SLC26A8: variants seen among roughly 807,000 people sequenced by gnomAD.
SLC26A8 encodes the protein testis anion transporter 1.
A neutral mutation model predicts 105.0 loss-of-function variants in SLC26A8; 70 were observed. The ratio of observed to expected loss-of-function variants is 0.67; its 90% CI spans 0.55 to 0.81. The LOEUF (loss-of-function observed/expected upper bound fraction) is 0.81. Ranked by LOEUF, SLC26A8 falls within the 40% of genes least tolerant of loss-of-function variation. The pLI is 0.00. For missense variants in SLC26A8, 998 were observed against 1,181.8 expected, an observed-to-expected ratio of 0.84 and a Z score of 2.28; for synonymous variants, 415 against 438.3, an observed-to-expected ratio of 0.95 and a Z score of 0.66.
chr6:36,017,628 G>C lies in SLC26A8; in HGVS notation c.188+1892C>G, dbSNP rs532687274. 6.3e-5 allele frequency among the ~76,000 whole-genome samples: 7 copies of C among 111,834 alleles called. No homozygotes were observed. In the South Asian group the frequency reaches 1.6e-3, roughly 26 times the overall value. The allele number at this position is 111,834 out of a possible 152,430, so 73.4% of individuals were successfully genotyped here. On this transcript the variant is annotated intron_variant, in intron 2 of 19. Coordinates refer to ENST00000490799, the MANE Select transcript of SLC26A8 (RefSeq NM_052961.4). ...GCCTGGGCAACAAGAGTGAAATTCC[G>C]TCTCAACAAAACAAAACAAAACAAA...
intron 2 of SLC26A8, among the ~76,000 whole-genome samples, chr6:36,017,415 T>A (rs1166105272): frequency 6.6e-6 from 1 of 152,134 alleles, no homozygotes; most frequent in Non-Finnish European, 1.5e-5. Flanking sequence ...GTGGATCACC[T>A]GAGGTCAGGA....
In SLC26A8 at chr6:35,943,963, C is replaced by A. The variant is rs1328671411; in HGVS notation, c.2850G>T (p.Val950=). The change falls in exon 20 of 20, where the codon GTG becomes GTT. Residue 950 remains valine, a synonymous_variant. Transcript: ENST00000490799. The stretch of plus-strand genomic sequence containing the variant: ...AATCCATAGGATGGCGTCTCCTCTC[C>A]ACTGACCATGTCCGAGTCTGAGTCT... ...QSQTQTRTWS[V]ERRRHPMDSY... 2 of 1,614,194 alleles carry A rather than the reference C, an allele frequency of 1.2e-6. No homozygotes were observed. Among genetic ancestry groups the A allele is most frequent in the Non-Finnish European group, 1.7e-6 (2 of 1,180,040 alleles).
intron 10 of SLC26A8, among the ~76,000 whole-genome samples, chr6:35,973,038 C>T (rs1235806988): frequency 1.3e-5 from 2 of 152,206 alleles, no homozygotes; most frequent in South Asian, 2.1e-4. Context: ...TGCCATCATT[C>T]TCCTTCTTGC....
intron 7 of SLC26A8, among the ~76,000 whole-genome samples, chr6:35,986,485 CA>C (rs1005140909): frequency 2.0e-5 from 3 of 152,134 alleles, no homozygotes; most frequent in Non-Finnish European, 4.4e-5. Context: ...ATCCTTTGGC[CA>C]ACATCTCCCC....
chr6:35,965,873 C>T (rs1184153131), intron 11 of SLC26A8, among the ~76,000 whole-genome samples: 6 of 151,502 alleles, frequency 4.0e-5, no homozygotes, highest in Non-Finnish European at 8.8e-5. Context: ...TGCCTGTAAT[C>T]CCAGCTACTC....
chr6:36,011,118 C>CTA (rs1761845300), intron 3 of SLC26A8, among the ~76,000 whole-genome samples: 1 of 152,140 alleles, frequency 6.6e-6, no homozygotes, highest in Non-Finnish European at 1.5e-5. Flanking sequence ...ATCTGGGGAA[C>CTA]TATAAACTAC....
chr6:35,966,133 A>T (rs181563852), intron 11 of SLC26A8, among the ~76,000 whole-genome samples: 62 of 152,276 alleles, frequency 4.1e-4, no homozygotes, highest in Middle Eastern at 3.4e-3. Context: ...ACCACGAGGA[A>T]TGGCTGAGTC....
rs974737486 is a variant in SLC26A8 at position 36,024,484 on chromosome 6, G to A, written c.-3+20C>T. ...GACCTGCAGCCCCCGGCGCCCAGGC[G>A]TCTCCCAGCAGCGGCTCACCTGGCT... On this transcript the variant is annotated intron_variant, in intron 1 of 19. Coordinates refer to ENST00000490799, the MANE Select transcript of SLC26A8 (RefSeq NM_052961.4). 4.5e-6 allele frequency: 2 copies of A among 448,352 alleles called. No individual in the cohort carries two copies. The highest frequency in any genetic ancestry group is 1.6e-5 in the South Asian group (1 of 64,214). The allele number at this position is 448,352 out of a possible 1,614,324, so 27.8% of individuals were successfully genotyped here.
In SLC26A8 at chr6:35,982,404, T is replaced by C. The variant is rs865914412; in HGVS notation, c.943-201A>G. Among the ~76,000 whole-genome samples, 6 of 152,332 alleles carry C rather than the reference T, an allele frequency of 3.9e-5. No individual in the cohort carries two copies. In the South Asian group the frequency reaches 6.2e-4, roughly 16 times the overall value. ...CATTAGAGATCTTCCCTGTTTCTTT[T>C]GGTTCTCTAAGCCAGAGTGCAAAAC... On this transcript the variant is annotated intron_variant, in intron 7 of 19. Coordinates refer to ENST00000490799, the MANE Select transcript of SLC26A8 (RefSeq NM_052961.4).
chr6:35,963,807 A>G lies in SLC26A8; in HGVS notation c.1366-1186T>C, dbSNP rs2127302031. ...AAATTAAGAGAACTTACACTCACAG[A>G]AACTCCAAAACAATTCCAACTGGGC... On this transcript the variant is annotated intron_variant, in intron 11 of 19. Coordinates refer to ENST00000490799, the MANE Select transcript of SLC26A8 (RefSeq NM_052961.4). 2.0e-5 allele frequency among the ~76,000 whole-genome samples: 3 copies of G among 152,344 alleles called. No individual in the cohort carries two copies. The Middle Eastern group carries it at 0.01, about 518-fold the overall frequency.
In SLC26A8 at chr6:35,992,647, A is replaced by G; in HGVS notation, c.655T>C (p.Phe219Leu). The stretch of plus-strand genomic sequence containing the variant: ...GACTCCGGAAGGTAAGTGGCAATGA[A>G]GCCCAAACCCAATACGCCCATTATT... ...QLIMGVLGLG[F>L]IATYLPESAM... is the part of the protein sequence containing the mutation. The change falls in exon 6 of 20, where the codon TTC (phenylalanine) becomes CTC (leucine). Residue 219 changes from phenylalanine (F) to leucine (L), a missense_variant. Physicochemically the swap from Phe to Leu is conservative, Grantham distance 22. Transcript: ENST00000490799. 6.2e-7 allele frequency: 1 copy of G among 1,613,244 alleles called. No individual in the cohort carries two copies. Among genetic ancestry groups the G allele is most frequent in the Non-Finnish European group, 8.5e-7 (1 of 1,179,700 alleles).
intron 5 of SLC26A8, among the ~76,000 whole-genome samples, chr6:35,994,758 G>A (rs1761301863): frequency 6.6e-6 from 1 of 152,026 alleles, no homozygotes; most frequent in South Asian, 2.1e-4. Flanking sequence ...GTATTTTTAA[G>A]TAGAGACAGG....
At chr6:35,958,597 T>C (rs1414143889) in intron 16 of SLC26A8, among the ~76,000 whole-genome samples, 1 of 152,214 alleles carries the variant, frequency 6.6e-6, no homozygotes, top group African/African-American at 2.4e-5. Context: ...GAGACTAGCC[T>C]GGCCAACATG....
chr6:35,965,682 CAAA>C (rs1293607391), intron 11 of SLC26A8, among the ~76,000 whole-genome samples: 8 of 68,936 alleles, frequency 1.2e-4, no homozygotes, highest in Middle Eastern at 0.01. Flanking sequence ...AACTCCATCT[CAAA>C]AAAAAAAAAA....
chr6:35,959,788 C>T lies in SLC26A8; in HGVS notation c.1657G>A (p.Val553Met). The change falls in exon 15 of 20, where the codon GTG (valine) becomes ATG (methionine). Residue 553 changes from valine to methionine, a missense_variant. Physicochemically the swap from Val to Met is conservative, Grantham distance 21 (BLOSUM62 1). Transcript: ENST00000490799. Reference protein sequence around the residue: ...DYREIITIPGVKIFQCCSSIT... With the variant: ...DYREIITIPGMKIFQCCSSIT... Reference sequence around the variant, plus strand: ...GAGCTGCAGCACTGGAAGATTTTCACCCCAGGAATGGTGATGATCTGCAAG... The same window carrying T: ...GAGCTGCAGCACTGGAAGATTTTCATCCCAGGAATGGTGATGATCTGCAAG... 6.2e-7 allele frequency: 1 copy of T among 1,607,958 alleles called. No homozygotes were observed. Among genetic ancestry groups the T allele is most frequent in the Non-Finnish European group, 8.5e-7 (1 of 1,178,528 alleles).
At chr6:35,976,785 C>T (rs957015918) in intron 9 of SLC26A8, among the ~76,000 whole-genome samples, 1 of 151,952 alleles carries the variant, frequency 6.6e-6, no homozygotes, top group Non-Finnish European at 1.5e-5. Context: ...ACCTCGTGAT[C>T]CACCTGCCTT....
rs747354243 is a variant in SLC26A8, at chr6:35,968,852, T to C, written c.1365+25A>G. Reference sequence around the variant, plus strand: ...TCCAGAGCCCTGGTCGTTGTTGACTTAGTTATTTGATCAGTTCTACTTACA... The same window carrying C: ...TCCAGAGCCCTGGTCGTTGTTGACTCAGTTATTTGATCAGTTCTACTTACA... On this transcript the variant is annotated intron_variant, in intron 11 of 19. Transcript: ENST00000490799. The C allele has an allele frequency of 5.1e-6, 7 of 1,365,776 alleles. No individual in the cohort carries two copies. In the East Asian group the frequency reaches 1.3e-4, roughly 26 times the overall value. 84.6% of individuals were successfully genotyped at this position (1,365,776 alleles called of 1,614,324 possible). A position where few individuals can be genotyped will look rare whatever the true frequency, so the allele number is the denominator to read the frequency against.
intron 5 of SLC26A8, among the ~76,000 whole-genome samples, chr6:35,995,586 T>G (rs1176647841): frequency 6.6e-6 from 1 of 152,180 alleles, no homozygotes; most frequent in Non-Finnish European, 1.5e-5. Context: ...CCTTGGGCAA[T>G]TTTCTTAACC....
In SLC26A8 at chr6:35,998,810, G is replaced by C. The variant is rs561467948; in HGVS notation, c.446-891C>G. On this transcript the variant is annotated intron_variant, in intron 4 of 19. Coordinates refer to ENST00000490799, the MANE Select transcript of SLC26A8 (RefSeq NM_052961.4). ...GTTCCTCAGAAACTTGGAAATATAG[G>C]AATAAAATTGTTTTATTGGTGTTCA... 3.0e-3 allele frequency among the ~76,000 whole-genome samples: 464 copies of C among 152,168 alleles called. 3 individuals carry two copies. The highest frequency in any genetic ancestry group is 0.011 in the African/African-American group (455 of 41,524).
Sources: allele counts gnomAD v4.1 joint callset (sites outside exome capture counted in the v4.1 genomes callset), GRCh38; gene constraint gnomAD v4.1.1; transcripts MANE v1.5; gene names NCBI Gene and HGNC (gene_info 2026-07-23, HGNC 2026-07-21).